Variants in BCAS3 observed in about 807,000 individuals in gnomAD.
The protein encoded by BCAS3 is BCAS3 microtubule associated cell migration factor.
Under a neutral mutation model 116.1 loss-of-function variants are expected in BCAS3, and 53 were observed. That is an observed-to-expected ratio of 0.46 (90% confidence interval 0.37 to 0.57). The LOEUF is 0.57. Among genes scored for constraint, BCAS3 ranks in the 20% least tolerant of loss-of-function variants. The pLI, the probability that BCAS3 is intolerant of heterozygous loss-of-function variation, is 0.00. For missense variants in BCAS3, 917 were observed against 1,165.4 expected, an observed-to-expected ratio of 0.79 and a Z score of 3.10; for synonymous variants, 391 against 408.2, an observed-to-expected ratio of 0.96 and a Z score of 0.51.
At chr17:60,763,102 C>T (rs1019582792) in intron 6 of BCAS3, among the ~76,000 whole-genome samples, 9 of 152,248 alleles carry the variant, frequency 5.9e-5, no homozygotes, top group East Asian at 5.8e-4. Context: ...TGGGCTGAGA[C>T]GATGGGGTTT....
chr17:61,292,321 AT>A (rs1418315397), intron 22 of BCAS3, among the ~76,000 whole-genome samples: 2 of 152,122 alleles, frequency 1.3e-5, no homozygotes, highest in Non-Finnish European at 2.9e-5. Context: ...TTTGCAGAGA[AT>A]TAAGAGAAAA....
intron 22 of BCAS3, among the ~76,000 whole-genome samples, chr17:61,184,439 A>G (rs2079649304): frequency 1.3e-5 from 2 of 152,152 alleles, no homozygotes; most frequent in Non-Finnish European, 2.9e-5. Context: ...AAATTAAAAG[A>G]CTGACAATAC....
intron 22 of BCAS3, among the ~76,000 whole-genome samples, chr17:61,319,097 G>A (rs1471209331): frequency 6.6e-6 from 1 of 152,176 alleles, no homozygotes; most frequent in Non-Finnish European, 1.5e-5. Context: ...CCAAATCTGT[G>A]ATTCCAAGAT....
chr17:61,091,800 T>C (rs2073592293), intron 22 of BCAS3, among the ~76,000 whole-genome samples: 1 of 152,230 alleles, frequency 6.6e-6, no homozygotes, highest in African/African-American at 2.4e-5. Context: ...TGTGGATCTT[T>C]GTTAGTTCTA....
Position 60,979,452 on chromosome 17 carries a change from G to A in BCAS3, c.1222-10519G>A, listed in dbSNP as rs527572373. 1.3e-5 allele frequency among the ~76,000 whole-genome samples: 2 copies of A among 149,400 alleles called. 1 individual carries two copies. Among genetic ancestry groups the A allele is most frequent in the African/African-American group, 5.1e-5 (2 of 38,880 alleles). On this transcript the variant is annotated intron_variant, in intron 14 of 23. Coordinates refer to ENST00000407086, the MANE Select transcript of BCAS3 (RefSeq NM_017679.5). ...TATACAATCATGTCGTCTGCAAACA[G>A]GGACAATTTGACTTCCTCTTGAATA... is the stretch of plus-strand genomic sequence containing the variant.
chr17:61,083,918 C>G lies in BCAS3; in HGVS notation c.2328-549C>G, dbSNP rs771915246. Among the ~76,000 whole-genome samples the G allele has an allele frequency of 6.6e-6, 1 of 152,132 alleles. No homozygotes were observed. The highest frequency in any genetic ancestry group is 1.5e-5 in the Non-Finnish European group (1 of 68,024). On this transcript the variant is annotated intron_variant, in intron 21 of 23. Coordinates refer to ENST00000407086, the MANE Select transcript of BCAS3 (RefSeq NM_017679.5). This position sits in a 1 kb window ranked among gnomAD's most constrained non-coding sequence, Gnocchi z 4.9. ...AGTTGGTAATTTTATAAAGGTAGCTCAGTTAGTAGTGACCCACCCCGGCCA... is the reference window on the plus strand; with the variant it reads ...AGTTGGTAATTTTATAAAGGTAGCTGAGTTAGTAGTGACCCACCCCGGCCA...
rs1376431232 is a variant in BCAS3 at position 61,346,200 on chromosome 17, C to G, written c.2426-22127C>G. 2.6e-5 allele frequency among the ~76,000 whole-genome samples: 4 copies of G among 152,168 alleles called. No homozygotes were observed. Among genetic ancestry groups the G allele is most frequent in the African/African-American group, 7.2e-5 (3 of 41,428 alleles). On this transcript the variant is annotated intron_variant, in intron 22 of 23. Coordinates refer to ENST00000407086, the MANE Select transcript of BCAS3 (RefSeq NM_017679.5). The surrounding 1 kb of genome is among the most constrained non-coding windows in gnomAD (Gnocchi z 5.4). Reference sequence around the variant, plus strand: ...ATGTTTGGGACAGATTTTGTGAGCTCTGAGCTTCTCTCCTGACTGGAAGAT... The same window carrying G: ...ATGTTTGGGACAGATTTTGTGAGCTGTGAGCTTCTCTCCTGACTGGAAGAT...
chr17:60,709,473 T>G (rs1300683732), intron 5 of BCAS3, 148 bp downstream of exon 5: 3 of 516,364 alleles, frequency 5.8e-6, no homozygotes, highest in Non-Finnish European at 7.0e-6. Flanking sequence ...CACTGCAACC[T>G]CTGCCTCCCA....
chr17:60,999,249 G>A (rs938128804), intron 15 of BCAS3, among the ~76,000 whole-genome samples: 3 of 152,124 alleles, frequency 2.0e-5, no homozygotes, highest in Non-Finnish European at 4.4e-5. Context: ...TTTGAAATGT[G>A]ATGTCTCAGG....
At position 60,684,026 on chromosome 17, in the gene BCAS3, T is replaced by C. The variant is rs1180761812; in HGVS notation, c.128T>C (p.Val43Ala). The C allele has an allele frequency of 4.3e-6, 7 of 1,613,822 alleles. No homozygotes were observed. ...AGTGTTGTGACTTTTCTGCAGGATG[T>C]TGTGCCACAGGTAAGTGTCTATATG... is the stretch of plus-strand genomic sequence containing the variant. ...MESVVTFLQD[V>A]VPQAYSGTPL... Residue 43 changes from valine to alanine, a missense_variant, in exon 3 of 24, where the codon GTT (valine) becomes GCT (alanine). Physicochemically the swap from Val to Ala is moderately conservative, Grantham distance 64. This residue lies in a region of BCAS3 where 807 missense variants were observed against 1,026.0 expected (regional missense o/e 0.79). Coordinates refer to ENST00000407086, the MANE Select transcript of BCAS3 (RefSeq NM_017679.5).
intron 10 of BCAS3, chr17:60,891,601 G>A (rs2057153713): frequency 2.3e-6 from 1 of 442,496 alleles, no homozygotes; most frequent in Non-Finnish European, 4.5e-6. Context: ...TGGGGTACCA[G>A]TCTCTTTCAG....
At chr17:61,109,196 A>G (rs1297575885) in intron 22 of BCAS3, among the ~76,000 whole-genome samples, 1 of 151,882 alleles carries the variant, frequency 6.6e-6, no homozygotes, top group South Asian at 2.1e-4. Flanking sequence ...AAAAAAAAAA[A>G]AAAAAAAGAA....
At chr17:61,301,396 G>A (rs34867966) in intron 22 of BCAS3, among the ~76,000 whole-genome samples, 20,446 of 152,222 alleles carry the variant, frequency 0.13, 1,605 homozygotes, top group Non-Finnish European at 0.18. Context: ...CACTTTGGGA[G>A]GCCGAGGCGG....
chr17:61,287,254 A>C (rs72834619), intron 22 of BCAS3, among the ~76,000 whole-genome samples: 8,902 of 151,678 alleles, frequency 0.059, 365 homozygotes, highest in Non-Finnish European at 0.092. Flanking sequence ...AAAAAAAAAA[A>C]AAACTCTATG....
intron 8 of BCAS3, among the ~76,000 whole-genome samples, chr17:60,872,494 GTATATA>G (rs1418630582): frequency 7.1e-6 from 1 of 141,154 alleles, no homozygotes; most frequent in Non-Finnish European, 1.5e-5. Context: ...ATATCTGTAT[GTATATA>G]TACACACATA....
At chr17:60,830,354 C>T (rs893756375) in intron 7 of BCAS3, among the ~76,000 whole-genome samples, 8 of 152,092 alleles carry the variant, frequency 5.3e-5, no homozygotes, top group Non-Finnish European at 8.8e-5. Context: ...CAGTATAAAA[C>T]GTGATGGTTG....
chr17:61,359,867 G>C (rs532389838), intron 22 of BCAS3, among the ~76,000 whole-genome samples: 23 of 152,190 alleles, frequency 1.5e-4, no homozygotes, highest in Non-Finnish European at 3.1e-4. Flanking sequence ...GGAATAGCTG[G>C]TCTGTTTTGG....
At chr17:60,987,566 T>C (rs2063222381) in intron 14 of BCAS3, among the ~76,000 whole-genome samples, 1 of 152,038 alleles carries the variant, frequency 6.6e-6, no homozygotes, top group Non-Finnish European at 1.5e-5. Flanking sequence ...CTTTTTTTGT[T>C]AATCGCTAGT....
chr17:60,684,116 G>A (rs1396631550), intron 3 of BCAS3, 80 bp downstream of exon 3: 2 of 1,328,464 alleles, frequency 1.5e-6, no homozygotes, highest in East Asian at 2.3e-5. Context: ...CTTGACACTA[G>A]TACCAGCAAC....
Sources: gnomAD v4.1 joint callset for allele counts (sites outside exome capture counted in the v4.1 genomes callset) on GRCh38, gnomAD v4.1.1 for gene constraint, gnomAD v4.1.1 regional missense constraint, Gnocchi (gnomAD v3.1) non-coding constraint, MANE v1.5 for transcripts, NCBI Gene and HGNC (gene_info 2026-07-23, HGNC 2026-07-21) for gene names.